CNTN5: variants seen among roughly 807,000 people sequenced by gnomAD.
CNTN5 encodes contactin-5.
A neutral mutation model predicts 129.1 loss-of-function variants in CNTN5; 77 were observed. That is an observed-to-expected ratio of 0.60 (90% CI 0.50 to 0.72). The LOEUF is 0.72. CNTN5 is among the 30% of genes least tolerant of loss of function. The pLI is 0.00. For missense variants in CNTN5, 1,478 were observed against 1,328.8 expected (o/e 1.11, Z -1.75); for synonymous variants, 509 against 465.6 (o/e 1.09, Z -1.20).
intron 2 of CNTN5, among the ~76,000 whole-genome samples, chr11:99,393,618 C>CTGAT (rs1051190700): frequency 1.2e-4 from 18 of 151,722 alleles, no homozygotes; most frequent in African/African-American, 4.1e-4. Context: ...CTTTTCTCTA[C>CTGAT]TGATTGTCCT....
intron 13 of CNTN5, among the ~76,000 whole-genome samples, chr11:100,180,884 C>T (rs191587504): frequency 1.2e-3 from 182 of 151,956 alleles, no homozygotes; most frequent in South Asian, 5.6e-3. Context: ...CAAAACAAAA[C>T]AACTAAAACA....
At chr11:99,355,524 G>C (rs923152552) in intron 2 of CNTN5, among the ~76,000 whole-genome samples, 1 of 152,226 alleles carries the variant, frequency 6.6e-6, no homozygotes, top group Middle Eastern at 3.4e-3. Context: ...TAGAGCTGCA[G>C]AGTCTTTCTC....
intron 1 of CNTN5, among the ~76,000 whole-genome samples, chr11:99,137,046 T>C (rs1216262390): frequency 4.6e-5 from 7 of 152,180 alleles, no homozygotes; most frequent in Non-Finnish European, 1.0e-4. Context: ...ACATTCTTGC[T>C]GATGTTTGTC....
At chr11:99,824,562 G>A (rs1460841646) in intron 4 of CNTN5, among the ~76,000 whole-genome samples, 2 of 151,806 alleles carry the variant, frequency 1.3e-5, no homozygotes, top group Non-Finnish European at 2.9e-5. Flanking sequence ...TTTGTCAGTA[G>A]TACCTTTTGT....
chr11:99,753,651 G>GAAAA (rs201045916), intron 3 of CNTN5, among the ~76,000 whole-genome samples: 1 of 96,282 alleles, frequency 1.0e-5, no homozygotes, highest in South Asian at 3.0e-4. Context: ...AATTTTTACT[G>GAAAA]AAAAAAAAAA....
chr11:99,828,969 C>T (rs1947054325), intron 4 of CNTN5, among the ~76,000 whole-genome samples: 1 of 152,006 alleles, frequency 6.6e-6, no homozygotes, highest in Admixed American at 6.6e-5. Flanking sequence ...TGTCTGATTT[C>T]ACTTTATTAT....
intron 16 of CNTN5, among the ~76,000 whole-genome samples, chr11:100,225,770 A>G (rs1451246235): frequency 1.3e-5 from 2 of 150,842 alleles, no homozygotes; most frequent in African/African-American, 2.4e-5. Flanking sequence ...CTGTACAGAT[A>G]AAAACATTAT....
intron 21 of CNTN5, among the ~76,000 whole-genome samples, chr11:100,326,015 T>G (rs1193950175): frequency 1.3e-5 from 2 of 152,168 alleles, no homozygotes; most frequent in Non-Finnish European, 2.9e-5. Flanking sequence ...ACGAGAATAG[T>G]TCTTTTATAT....
At chr11:100,335,509 C>T (rs184063547) in intron 21 of CNTN5, among the ~76,000 whole-genome samples, 127 of 152,278 alleles carry the variant, frequency 8.3e-4, no homozygotes, top group Middle Eastern at 6.8e-3. Context: ...CGGTGGCTCA[C>T]GCCTGTCCAG....
At chr11:99,661,507 A>G (rs1952591050) in intron 3 of CNTN5, among the ~76,000 whole-genome samples, 1 of 152,060 alleles carries the variant, frequency 6.6e-6, no homozygotes, top group Non-Finnish European at 1.5e-5. Context: ...CATTTATTAT[A>G]TATTAGATTT....
chr11:99,770,509 T>G (rs956764474), intron 3 of CNTN5, among the ~76,000 whole-genome samples: 1 of 152,082 alleles, frequency 6.6e-6, no homozygotes, highest in Non-Finnish European at 1.5e-5. Context: ...CTGTATATAG[T>G]GAACAGGTTT....
intron 14 of CNTN5, among the ~76,000 whole-genome samples, chr11:100,191,825 G>C (rs975150157): frequency 6.6e-6 from 1 of 151,730 alleles, no homozygotes; most frequent in Admixed American, 6.6e-5. Flanking sequence ...GTTCTAAAAT[G>C]AGCTCGATTT....
intron 2 of CNTN5, among the ~76,000 whole-genome samples, chr11:99,480,916 A>G (rs1164851824): frequency 2.0e-5 from 3 of 152,166 alleles, no homozygotes; most frequent in Non-Finnish European, 4.4e-5. Flanking sequence ...TTTCGATTCA[A>G]TGAGAATTCA....
chr11:99,845,517 C>T (rs952283106), intron 6 of CNTN5, among the ~76,000 whole-genome samples: 6 of 150,442 alleles, frequency 4.0e-5, no homozygotes, highest in Non-Finnish European at 7.4e-5. Flanking sequence ...GGACTACAGG[C>T]GCCCGCCACT....
intron 3 of CNTN5, among the ~76,000 whole-genome samples, chr11:99,560,493 G>C (rs1362970982): frequency 1.3e-5 from 2 of 151,926 alleles, no homozygotes; most frequent in African/African-American, 4.8e-5. Context: ...GTTTCACCAT[G>C]TTGGCCAGGC....
intron 1 of CNTN5, among the ~76,000 whole-genome samples, chr11:99,081,182 T>A (rs1019144322): frequency 6.6e-6 from 1 of 152,162 alleles, no homozygotes; most frequent in African/African-American, 2.4e-5. Flanking sequence ...AACAATGTTC[T>A]TCCTCATTTC....
At chr11:100,224,929 A>G in intron 16 of CNTN5, 117 bp downstream of exon 16, 35 of 1,003,150 alleles carry the variant, frequency 3.5e-5, no homozygotes, top group Non-Finnish European at 4.8e-5. Flanking sequence ...TCAATTTTAC[A>G]ATATATGTTA....
At chr11:99,817,224 T>TTGAA (rs1218534943) in intron 3 of CNTN5, among the ~76,000 whole-genome samples, 1 of 152,236 alleles carries the variant, frequency 6.6e-6, no homozygotes, top group Non-Finnish European at 1.5e-5. Context: ...GAATGAATGC[T>TTGAA]TGAATGAATG....
At position 99,862,948 on chromosome 11, in the gene CNTN5, GTGTT is replaced by G. The variant is rs746439079; in HGVS notation, c.577+17689_577+17692del. Among the ~76,000 whole-genome samples, 8 of 152,066 alleles carry G rather than the reference GTGTT, an allele frequency of 5.3e-5. No homozygotes were observed. In the East Asian group the frequency reaches 5.8e-4, roughly 11 times the overall value. Reference sequence around the variant, plus strand: ...TCTGGGGAAGTGTATATATATGTGTGTGTTTGGTTGAGAGGTGGCTTTGATTACA... The same window carrying G: ...TCTGGGGAAGTGTATATATATGTGTGTGGTTGAGAGGTGGCTTTGATTACA... On this transcript the variant is annotated intron_variant, in intron 6 of 24. Coordinates refer to ENST00000524871, the MANE Select transcript of CNTN5 (RefSeq NM_014361.4).
Sources: allele counts gnomAD v4.1 joint callset (sites outside exome capture counted in the v4.1 genomes callset), GRCh38; gene constraint gnomAD v4.1.1; transcripts MANE v1.5; gene names NCBI Gene and HGNC (gene_info 2026-07-23, HGNC 2026-07-21).